PRDM16: variants seen among roughly 807,000 people sequenced by gnomAD.
PRDM16 encodes PR/SET domain 16.
PRDM16 carries 23 observed loss-of-function variants against 110.6 expected under a neutral mutation model. The ratio of observed to expected loss-of-function variants is 0.21; its 90% CI spans 0.15 to 0.29. PRDM16 has a LOEUF of 0.29. PRDM16 is among the 10% of genes least tolerant of loss of function. The pLI, the probability that PRDM16 is intolerant of heterozygous loss-of-function variation, is 1.00. For missense variants in PRDM16, 1,615 were observed against 1,794.3 expected, an observed-to-expected ratio of 0.90 and a Z score of 1.81; for synonymous variants, 799 against 781.8, an observed-to-expected ratio of 1.02 and a Z score of -0.37.
At chr1:3,281,208 G>T (rs1404960251) in intron 3 of PRDM16, among the ~76,000 whole-genome samples, 1 of 152,198 alleles carries the variant, frequency 6.6e-6, no homozygotes, top group Admixed American at 6.5e-5. Flanking sequence ...TGCCTTGCTG[G>T]CTCACACCCA....
chr1:3,336,675 CACAT>C (rs1221795046), intron 3 of PRDM16, among the ~76,000 whole-genome samples: 3 of 127,880 alleles, frequency 2.3e-5, no homozygotes, highest in African/African-American at 9.6e-5. Context: ...CACATTCACA[CACAT>C]ATGTGTTTTT....
At chr1:3,346,510 G>A (rs1384001166) in intron 3 of PRDM16, among the ~76,000 whole-genome samples, 3 of 152,134 alleles carry the variant, frequency 2.0e-5, no homozygotes, top group African/African-American at 4.8e-5. Flanking sequence ...CGCGGCATAC[G>A]TGGCCCTCCC....
intron 2 of PRDM16, among the ~76,000 whole-genome samples, chr1:3,199,047 C>T (rs1288395381): frequency 6.6e-6 from 1 of 152,112 alleles, no homozygotes. Flanking sequence ...GTAGAAGCGG[C>T]CTTGTTTCCC....
intron 1 of PRDM16, among the ~76,000 whole-genome samples, chr1:3,106,807 G>A (rs1642668337): frequency 6.6e-6 from 1 of 152,172 alleles, no homozygotes; most frequent in Admixed American, 6.5e-5. Context: ...GGCATTGGAA[G>A]GTAAGGGCAG....
At chr1:3,250,902 T>C (rs1639914731) in intron 3 of PRDM16, among the ~76,000 whole-genome samples, 1 of 151,268 alleles carries the variant, frequency 6.6e-6, no homozygotes, top group Non-Finnish European at 1.5e-5. Flanking sequence ...GGGGCTGGAG[T>C]GGATGGAAAC....
intron 4 of PRDM16, among the ~76,000 whole-genome samples, chr1:3,389,371 C>T (rs1247704659): frequency 6.6e-6 from 1 of 152,258 alleles, no homozygotes; most frequent in Non-Finnish European, 1.5e-5. Context: ...TTCCCCATCT[C>T]AGGCCCCATG....
chr1:3,269,854 G>A (rs1360904757), intron 3 of PRDM16, among the ~76,000 whole-genome samples: 1 of 110,318 alleles, frequency 9.1e-6, no homozygotes, highest in Non-Finnish European at 1.7e-5. Context: ...GAAAGTCCCA[G>A]AGGAGGAAAG....
At chr1:3,169,779 G>A (rs1644004187) in intron 1 of PRDM16, among the ~76,000 whole-genome samples, 1 of 152,278 alleles carries the variant, frequency 6.6e-6, no homozygotes, top group South Asian at 2.1e-4. Context: ...GGGCTCCCCC[G>A]CAGCCCCTGG....
chr1:3,142,688 G>A (rs576165256), intron 1 of PRDM16, among the ~76,000 whole-genome samples: 4 of 152,268 alleles, frequency 2.6e-5, no homozygotes, highest in East Asian at 3.9e-4. Flanking sequence ...CCCAAGCCTC[G>A]TGCTCCCCCG....
intron 3 of PRDM16, among the ~76,000 whole-genome samples, chr1:3,338,527 C>T (rs1306764045): frequency 3.3e-5 from 5 of 152,282 alleles, no homozygotes; most frequent in South Asian, 2.1e-4. Flanking sequence ...ACGGGGTGCC[C>T]GGGGAAAGCC....
chr1:3,426,021 C>A, intron 13 of PRDM16, 30 bp from the exon 14 acceptor site: 1 of 1,594,444 alleles, frequency 6.3e-7, no homozygotes, highest in Non-Finnish European at 8.6e-7. Flanking sequence ...CAGCGAGAGG[C>A]CGCCCCCTGA....
intron 1 of PRDM16, among the ~76,000 whole-genome samples, chr1:3,164,944 C>G (rs1203987290): frequency 1.3e-5 from 2 of 152,240 alleles, no homozygotes; most frequent in African/African-American, 4.8e-5. Flanking sequence ...GGTGCAAGCC[C>G]TGACCTCCGC....
chr1:3,385,240 G>A lies in PRDM16; in HGVS notation c.527G>A (p.Cys176Tyr). The change falls in exon 4 of 17, where the codon TGC becomes TAC. Residue 176 changes from cysteine to tyrosine, a missense_variant. Cys to Tyr is a radical substitution (Grantham distance 194). This residue lies in a region of PRDM16 where 416 missense variants were observed against 467.1 expected (regional missense o/e 0.89). Transcript: ENST00000270722. Reference sequence around the variant, plus strand: ...TGGCTCAAGTACATCCGTGTGGCGTGCTCCTGCGATGACCAGAACCTCACC... The same window carrying A: ...TGGCTCAAGTACATCCGTGTGGCGTACTCCTGCGATGACCAGAACCTCACC... ...GSWLKYIRVA[C>Y]SCDDQNLTMC... 1 of 1,613,728 alleles carries A rather than the reference G, an allele frequency of 6.2e-7. No individual in the cohort carries two copies. Among genetic ancestry groups the A allele is most frequent in the Non-Finnish European group, 8.5e-7 (1 of 1,180,014 alleles).
chr1:3,378,438 C>T (rs901509797), intron 3 of PRDM16, among the ~76,000 whole-genome samples: 1 of 152,130 alleles, frequency 6.6e-6, no homozygotes, highest in East Asian at 1.9e-4. Context: ...GAACAGGGCT[C>T]GGGGACCCTC....
chr1:3,232,811 A>G (rs906922260), intron 2 of PRDM16, among the ~76,000 whole-genome samples: 1 of 152,164 alleles, frequency 6.6e-6, no homozygotes, highest in Non-Finnish European at 1.5e-5. Context: ...GTAGCCAGAG[A>G]AGAGCCCAAC....
rs34858929 is a variant in PRDM16, at chr1:3,157,422, TAAAAAAAA to T, written c.38-28690_38-28683del. Among the ~76,000 whole-genome samples, 1 of 122,182 alleles carries T rather than the reference TAAAAAAAA, an allele frequency of 8.2e-6. No homozygotes were observed. Among genetic ancestry groups the T allele is most frequent in the African/African-American group, 3.2e-5 (1 of 31,448 alleles). The allele number at this position is 122,182 out of a possible 152,430, so 80.2% of individuals were successfully genotyped here. Reference sequence around the variant, plus strand: ...GCTCCCAGGCCTTTTGCGATCCCATTAAAAAAAAAAAAAAAAAAAACACCTTTGTGGGG... The same window carrying T: ...GCTCCCAGGCCTTTTGCGATCCCATTAAAAAAAAAAAACACCTTTGTGGGG... On this transcript the variant is annotated intron_variant, in intron 1 of 16. Transcript: ENST00000270722. This position sits in a 1 kb window ranked among gnomAD's most constrained non-coding sequence, Gnocchi z 4.8.
At chr1:3,162,964 G>C (rs962816971) in intron 1 of PRDM16, among the ~76,000 whole-genome samples, 1 of 109,260 alleles carries the variant, frequency 9.2e-6, no homozygotes, top group Non-Finnish European at 1.8e-5. Context: ...ATGGTCTAGA[G>C]GGCTTTGGGA....
chr1:3,286,129 T>C (rs1640838277), intron 3 of PRDM16, among the ~76,000 whole-genome samples: 1 of 152,138 alleles, frequency 6.6e-6, no homozygotes, highest in Non-Finnish European at 1.5e-5. Context: ...CCTCTCCTCC[T>C]CCAGCTCCCT....
At chr1:3,109,241 C>T (rs191921082) in intron 1 of PRDM16, among the ~76,000 whole-genome samples, 3 of 152,266 alleles carry the variant, frequency 2.0e-5, no homozygotes, top group South Asian at 2.1e-4. Context: ...TGTGCTGATC[C>T]GGTCCACGTT....
Sources: gnomAD v4.1 joint callset for allele counts (sites outside exome capture counted in the v4.1 genomes callset) on GRCh38, gnomAD v4.1.1 for gene constraint, gnomAD v4.1.1 regional missense constraint, Gnocchi (gnomAD v3.1) non-coding constraint, MANE v1.5 for transcripts, NCBI Gene and HGNC (gene_info 2026-07-23, HGNC 2026-07-21) for gene names.